CRADD: variants seen among roughly 807,000 people sequenced by gnomAD.
CRADD encodes CARD and death domain containing adaptor protein.
In CRADD, 9 loss-of-function variants were observed where a neutral mutation model predicts 15.5. That is an observed-to-expected ratio of 0.58 (90% CI 0.35 to 1.01). The LOEUF is 1.01. Ranked by LOEUF, CRADD falls within the 50% of genes least tolerant of loss-of-function variation. The pLI, the probability that CRADD is intolerant of heterozygous loss-of-function variation, is 0.02. For synonymous variants in CRADD, 118 were observed against 107.6 expected, an observed-to-expected ratio of 1.10 and a Z score of -0.60; for missense variants, 227 against 250.3, an observed-to-expected ratio of 0.91 and a Z score of 0.63.
intron 2 of CRADD, among the ~76,000 whole-genome samples, chr12:93,811,688 G>C (rs1258688663): frequency 6.6e-6 from 1 of 152,216 alleles, no homozygotes; most frequent in African/African-American, 2.4e-5. Flanking sequence ...TAAGCAATGA[G>C]AAGGCAAAAT....
rs149156560 is a variant in CRADD at position 93,890,920 on chromosome 12, G to T, written c.299-3130G>T. Among the ~76,000 whole-genome samples the T allele has an allele frequency of 1.6e-3, 238 of 151,304 alleles. 2 individuals are homozygous for T. The highest frequency in any genetic ancestry group is 5.7e-3 in the African/African-American group (234 of 41,316). On this transcript the variant is annotated intron_variant, in intron 2 of 2. Transcript: ENST00000548483. Reference sequence around the variant, plus strand: ...ACGTGCCACACCTGACTAATTTTTTGGTATTCTTAGTAGAGATGGGGTTTT... The same window carrying T: ...ACGTGCCACACCTGACTAATTTTTTTGTATTCTTAGTAGAGATGGGGTTTT...
At chr12:93,809,358 T>C (rs548641299) in intron 2 of CRADD, among the ~76,000 whole-genome samples, 1 of 152,344 alleles carries the variant, frequency 6.6e-6, no homozygotes, top group Non-Finnish European at 1.5e-5. Flanking sequence ...CTGCCTCAGT[T>C]TGAGGAACAT....
intron 2 of CRADD, among the ~76,000 whole-genome samples, chr12:93,813,050 A>T (rs183185566): frequency 6.6e-6 from 1 of 152,386 alleles, no homozygotes; most frequent in East Asian, 1.9e-4. Flanking sequence ...TTTAAGGGAT[A>T]TGTGTTATAT....
intron 2 of CRADD, among the ~76,000 whole-genome samples, chr12:93,733,841 A>T (rs969912366): frequency 6.6e-6 from 1 of 150,494 alleles, no homozygotes; most frequent in African/African-American, 2.5e-5. Flanking sequence ...GGCTCAATCG[A>T]TCCTACACCA....
At chr12:93,767,927 A>T (rs868140531) in intron 2 of CRADD, among the ~76,000 whole-genome samples, 8 of 152,368 alleles carry the variant, frequency 5.3e-5, no homozygotes, top group African/African-American at 1.9e-4. Context: ...ACCAGTATTG[A>T]CATTTTGGAG....
rs529572877 is a variant in CRADD, at chr12:93,710,826, G to C, written c.298+31754G>C. ...GGAAGAATGATTAGTGGTGAAGTTTGCTGACAGTCCTCCTCAGTATGCTTA... is the reference window on the plus strand; with the variant it reads ...GGAAGAATGATTAGTGGTGAAGTTTCCTGACAGTCCTCCTCAGTATGCTTA... On this transcript the variant is annotated intron_variant, in intron 2 of 2. Coordinates refer to ENST00000332896, the MANE Select transcript of CRADD (RefSeq NM_003805.5). 2.0e-5 allele frequency among the ~76,000 whole-genome samples: 3 copies of C among 152,240 alleles called. No homozygotes were observed. The East Asian group carries it at 5.8e-4, about 29-fold the overall frequency.
chr12:93,877,827 G>A (rs1183722231), intron 2 of CRADD, among the ~76,000 whole-genome samples: 3 of 152,164 alleles, frequency 2.0e-5, no homozygotes, highest in Non-Finnish European at 4.4e-5. Flanking sequence ...CCAAGAGCCT[G>A]CTTGGTGCTC....
chr12:93,886,185 G>GTT (rs1958536468), intron 2 of CRADD, among the ~76,000 whole-genome samples: 1 of 88,462 alleles, frequency 1.1e-5, no homozygotes, highest in East Asian at 3.7e-4. Context: ...TTTTTTTTGA[G>GTT]ACAGAATCTT....
In CRADD at chr12:93,878,518, A is replaced by C. The variant is rs374883219; in HGVS notation, c.299-15532A>C. 8.6e-5 allele frequency among the ~76,000 whole-genome samples: 13 copies of C among 151,972 alleles called. 2 individuals carry two copies. The highest frequency in any genetic ancestry group is 7.2e-4 in the Admixed American group (11 of 15,250). Reference sequence around the variant, plus strand: ...GGTGTCTCAGTAGGTCACATGCCCCACCCCCAGTCCACTCTCTTTAGGCCT... The same window carrying C: ...GGTGTCTCAGTAGGTCACATGCCCCCCCCCCAGTCCACTCTCTTTAGGCCT... On this transcript the variant is annotated intron_variant, in intron 2 of 2. Coordinates refer to the CRADD transcript ENST00000548483.
chr12:93,828,529 G>A (rs935712359), intron 2 of CRADD, among the ~76,000 whole-genome samples: 3 of 152,230 alleles, frequency 2.0e-5, no homozygotes, highest in Non-Finnish European at 4.4e-5. Flanking sequence ...GTCTGCATGT[G>A]TGTATGCACA....
chr12:93,726,093 A>ATTTTT (rs1956359009), intron 2 of CRADD, among the ~76,000 whole-genome samples: 1 of 97,734 alleles, frequency 1.0e-5, no homozygotes, highest in Non-Finnish European at 2.2e-5. Context: ...TAAATAGTTT[A>ATTTTT]GTTTTTTTTT....
intron 2 of CRADD, among the ~76,000 whole-genome samples, chr12:93,736,029 C>T: frequency 6.6e-6 from 1 of 151,978 alleles, no homozygotes. Flanking sequence ...TGCACTCCAG[C>T]CTGGGCAATA....
At chr12:93,883,788 C>T (rs1958518202) in intron 2 of CRADD, among the ~76,000 whole-genome samples, 1 of 152,160 alleles carries the variant, frequency 6.6e-6, no homozygotes, top group African/African-American at 2.4e-5. Context: ...AGCTAGGATC[C>T]TACCACAGTA....
chr12:93,737,662 A>C (rs1956594785), intron 2 of CRADD: 1 of 152,222 alleles, frequency 6.6e-6, no homozygotes, highest in African/African-American at 2.4e-5. Flanking sequence ...CAGAGAATCA[A>C]TATAGTAGCC....
chr12:93,775,093 C>T (rs1454586413), intron 2 of CRADD, among the ~76,000 whole-genome samples: 1 of 152,174 alleles, frequency 6.6e-6, no homozygotes, highest in Non-Finnish European at 1.5e-5. Flanking sequence ...CTGACAAAAA[C>T]CCAAAATGAT....
In CRADD at chr12:93,807,547, C is replaced by T. The variant is rs563356745; in HGVS notation, c.299-42423C>T. ...CATGTGCTAGGCACTGTCCTAGGTACCAGAGACATCCTGGTAATCAAGACA... is the reference window on the plus strand; with the variant it reads ...CATGTGCTAGGCACTGTCCTAGGTATCAGAGACATCCTGGTAATCAAGACA... On this transcript the variant is annotated intron_variant, in intron 2 of 2. Transcript: ENST00000332896. Among the ~76,000 whole-genome samples the T allele has an allele frequency of 2.0e-5, 3 of 152,034 alleles. No homozygotes were observed. In the South Asian group the frequency reaches 6.2e-4, roughly 32 times the overall value.
chr12:93,780,436 G>A (rs1308853935), intron 2 of CRADD, among the ~76,000 whole-genome samples: 4 of 152,156 alleles, frequency 2.6e-5, no homozygotes, highest in African/African-American at 7.2e-5. Context: ...TGAGAAAACC[G>A]AGGCACAGGA....
intron 2 of CRADD, among the ~76,000 whole-genome samples, chr12:93,845,579 T>TATTC (rs35405575): frequency 1.2e-3 from 13 of 10,528 alleles, no homozygotes; most frequent in Admixed American, 3.6e-3. Flanking sequence ...TATATATATA[T>TATTC]TTTTAATAAA....
chr12:93,863,825 AC>A (rs1958339927), intron 2 of CRADD, among the ~76,000 whole-genome samples: 1 of 152,126 alleles, frequency 6.6e-6, no homozygotes, highest in Non-Finnish European at 1.5e-5. Flanking sequence ...TATCTAAAGC[AC>A]CACCTATGCC....
Sources: gnomAD v4.1 joint callset for allele counts (sites outside exome capture counted in the v4.1 genomes callset) on GRCh38, gnomAD v4.1.1 for gene constraint, MANE v1.5 for transcripts, NCBI Gene and HGNC (gene_info 2026-07-23, HGNC 2026-07-21) for gene names.